The following MSH3 variants were observed in gnomAD, a reference collection of about 807,000 sequenced individuals.
The protein encoded by MSH3 is DNA mismatch repair protein Msh3.
A neutral mutation model predicts 123.3 loss-of-function variants in MSH3; 106 were observed. That is an observed-to-expected ratio of 0.86 (90% CI 0.73 to 1.01). MSH3 has a LOEUF of 1.01. Among genes scored for constraint, MSH3 ranks in the 50% least tolerant of loss-of-function variants. The probability of loss-of-function intolerance (pLI) is 0.00; values close to 1 mark genes in which losing one functional copy is unlikely to be tolerated. For missense variants in MSH3, 1,459 were observed against 1,347.6 expected (o/e 1.08, Z -1.29); for synonymous variants, 515 against 481.4 (o/e 1.07, Z -0.91).
At chr5:80,869,408 T>TA (rs1383068606) in intron 22 of MSH3, among the ~76,000 whole-genome samples, 9 of 152,188 alleles carry the variant, frequency 5.9e-5, no homozygotes, top group Admixed American at 1.3e-4. Flanking sequence ...TGTAAAGAAA[T>TA]AGAGTTTTTC....
rs182087282 is a variant in MSH3 at position 80,665,007 on chromosome 5, T to A, written c.359-136T>A. The A allele has an allele frequency of 9.4e-3, 6,341 of 676,906 alleles. 254 individuals carry two copies. The African/African-American group carries it at 0.096, about 10-fold the overall frequency. 41.9% of individuals were successfully genotyped at this position (676,906 alleles called of 1,614,324 possible). On this transcript the variant is annotated intron_variant, in intron 2 of 23. Coordinates refer to ENST00000265081, the MANE Select transcript of MSH3 (RefSeq NM_002439.5). ...TGAACCCAGTGTTTCTTTCTTTTTT[T>A]AAAAAAATCACATTATAGTTAGATT... is the stretch of plus-strand genomic sequence containing the variant.
intron 10 of MSH3, among the ~76,000 whole-genome samples, chr5:80,733,236 A>G (rs1449269751): frequency 1.3e-5 from 2 of 152,196 alleles, no homozygotes; most frequent in African/African-American, 4.8e-5. Context: ...GAGAAAGAAT[A>G]GATTTTTTTC....
At chr5:80,721,117 T>G (rs542636364) in intron 8 of MSH3, among the ~76,000 whole-genome samples, 88 of 152,322 alleles carry the variant, frequency 5.8e-4, no homozygotes, top group African/African-American at 2.0e-3. Flanking sequence ...TCTTACAATA[T>G]ATATTAAAAT....
intron 20 of MSH3, among the ~76,000 whole-genome samples, chr5:80,852,415 C>T (rs12515548): frequency 0.16 from 23,843 of 152,102 alleles, 1,950 homozygotes; most frequent in East Asian, 0.24. Flanking sequence ...ATATTTCCCT[C>T]ATCAGAATGT....
At chr5:80,715,200 A>C (rs957967919) in intron 8 of MSH3, 2 of 152,200 alleles carry the variant, frequency 1.3e-5, no homozygotes, top group African/African-American at 2.4e-5. Flanking sequence ...GTACTCATTC[A>C]TTCCTTTATT....
intron 19 of MSH3, among the ~76,000 whole-genome samples, chr5:80,800,263 AT>A (rs1218129544): frequency 2.6e-5 from 4 of 152,172 alleles, no homozygotes; most frequent in African/African-American, 9.7e-5. Context: ...TAATTCATTC[AT>A]CCCCCTTTAG....
At chr5:80,869,841 TACACACACAC>T (rs35006113) in intron 22 of MSH3, among the ~76,000 whole-genome samples, 11 of 132,532 alleles carry the variant, frequency 8.3e-5, no homozygotes, top group Admixed American at 3.8e-4. Context: ...TACATATATA[TACACACACAC>T]ACACACACAC....
chr5:80,737,527 ATGT>A (rs1295827584), intron 10 of MSH3, among the ~76,000 whole-genome samples: 1 of 152,186 alleles, frequency 6.6e-6, no homozygotes, highest in Non-Finnish European at 1.5e-5. Context: ...TTCTAGCCAG[ATGT>A]TGTTGGTGAG....
chr5:80,672,292 A>T lies in MSH3; in HGVS notation c.841A>T (p.Met281Leu). The T allele has an allele frequency of 6.2e-7, 1 of 1,614,082 alleles. No homozygotes were observed. Among genetic ancestry groups the T allele is most frequent in the South Asian group, 1.1e-5 (1 of 91,070 alleles). Reference sequence around the variant, plus strand: ...TTATTGCCATTTAGATCACAACTTTATGACAGCAAGTATACCTACTCACAG... The same window carrying T: ...TTATTGCCATTTAGATCACAACTTTTTGACAGCAAGTATACCTACTCACAG... ...NIYCHLDHNFMTASIPTHRLF... is the reference protein window; with the variant it reads ...NIYCHLDHNFLTASIPTHRLF... The change falls in exon 5 of 24, where the codon ATG becomes TTG. Residue 281 changes from methionine to leucine, a missense_variant. Coordinates refer to ENST00000265081, the MANE Select transcript of MSH3 (RefSeq NM_002439.5).
intron 8 of MSH3, among the ~76,000 whole-genome samples, chr5:80,682,219 T>C (rs1331213196): frequency 6.6e-6 from 1 of 152,188 alleles, no homozygotes; most frequent in East Asian, 1.9e-4. Flanking sequence ...AGGGTTTGAG[T>C]TGGAAAACTA....
chr5:80,667,964 C>A (rs1472985681), intron 3 of MSH3, among the ~76,000 whole-genome samples: 1 of 152,102 alleles, frequency 6.6e-6, no homozygotes, highest in Non-Finnish European at 1.5e-5. Context: ...AGGTTCTTGT[C>A]CTGCTTCCAG....
In MSH3 at chr5:80,670,197, G is replaced by A. The variant is rs775409796; in HGVS notation, c.680G>A (p.Ser227Asn). 1 of 1,613,952 alleles carries A rather than the reference G, an allele frequency of 6.2e-7. No individual in the cohort carries two copies. The highest frequency in any genetic ancestry group is 1.3e-5 in the African/African-American group (1 of 74,898). The change falls in exon 4 of 24, where the codon AGC becomes AAC. Residue 227 changes from serine to asparagine, a missense_variant. Ser to Asn is a conservative substitution (Grantham distance 46). Transcript: ENST00000265081. ...ASKSANKRSK[S>N]IYTPLELQYI... ...AAATCAGCTAACAAACGGTCCAAAA[G>A]CATCTATACGCCGCTAGAATTACAA...
intron 8 of MSH3, among the ~76,000 whole-genome samples, chr5:80,699,984 G>A (rs1377454078): frequency 6.6e-6 from 1 of 151,974 alleles, no homozygotes; most frequent in Non-Finnish European, 1.5e-5. Flanking sequence ...TCCTCTTTTC[G>A]AGAGCAGAAG....
At chr5:80,688,112 G>T (rs1189244142) in intron 8 of MSH3, among the ~76,000 whole-genome samples, 2 of 152,114 alleles carry the variant, frequency 1.3e-5, no homozygotes, top group East Asian at 3.9e-4. Context: ...AAAGATACTT[G>T]GTTAAAAACT....
intron 10 of MSH3, among the ~76,000 whole-genome samples, chr5:80,738,887 T>C (rs1247412037): frequency 6.6e-6 from 1 of 152,212 alleles, no homozygotes; most frequent in Non-Finnish European, 1.5e-5. Context: ...CTTATATTAA[T>C]AGAAAAGACT....
chr5:80,753,019 G>T lies in MSH3; in HGVS notation c.1763+8404G>T, dbSNP rs184118267. On this transcript the variant is annotated intron_variant, in intron 12 of 23. Transcript: ENST00000265081. ...TCTGGGAAATGAGAAAAGGGTTAGA[G>T]ATACAGGTAGGCTGGTGTTTTACAT... Among the ~76,000 whole-genome samples, 335 of 152,258 alleles carry T rather than the reference G, an allele frequency of 2.2e-3. 2 individuals are homozygous for T. The highest frequency in any genetic ancestry group is 0.02 in the Admixed American group (307 of 15,278).
At chr5:80,742,045 G>A (rs1438020519) in intron 11 of MSH3, among the ~76,000 whole-genome samples, 3 of 147,954 alleles carry the variant, frequency 2.0e-5, no homozygotes, top group Non-Finnish European at 1.5e-5. Flanking sequence ...TCGCTCTGTT[G>A]CCCAGGCTGG....
chr5:80,857,536 AGGCCATT>A (rs773106330), intron 21 of MSH3, among the ~76,000 whole-genome samples: 4 of 152,176 alleles, frequency 2.6e-5, no homozygotes, highest in Non-Finnish European at 5.9e-5. Flanking sequence ...TGGTTTTAGA[AGGCCATT>A]GACTCAAGTT....
chr5:80,742,936 G>A (rs1283797088), intron 11 of MSH3, among the ~76,000 whole-genome samples: 2 of 152,136 alleles, frequency 1.3e-5, no homozygotes, highest in Non-Finnish European at 2.9e-5. Flanking sequence ...TCCTAAGGCA[G>A]AAATCATCTG....
Sources: allele counts gnomAD v4.1 joint callset (sites outside exome capture counted in the v4.1 genomes callset), GRCh38; gene constraint gnomAD v4.1.1; transcripts MANE v1.5; gene names NCBI Gene and HGNC (gene_info 2026-07-23, HGNC 2026-07-21).